CAPS2: variants seen among roughly 807,000 people sequenced by gnomAD.
CAPS2 encodes calcyphosine 2.
In CAPS2, 98 loss-of-function variants were observed where a neutral mutation model predicts 86.5. The observed-to-expected ratio is 1.13, with a 90% CI of 0.96 to 1.34. The LOEUF (loss-of-function observed/expected upper bound fraction) is 1.34. CAPS2 is among the 40% of genes most tolerant of loss of function. The pLI, the probability that CAPS2 is intolerant of heterozygous loss-of-function variation, is 0.00. For synonymous variants in CAPS2, 210 were observed against 225.1 expected (o/e 0.93, Z 0.60); for missense variants, 729 against 686.8 (o/e 1.06, Z -0.69).
intron 1 of CAPS2, among the ~76,000 whole-genome samples, chr12:75,340,963 G>T (rs1208324426): frequency 2.0e-5 from 3 of 151,774 alleles, no homozygotes; most frequent in African/African-American, 7.3e-5. Context: ...AAATTGATCA[G>T]TCTTACTTTT....
At chr12:75,356,454 A>T (rs565826999) in intron 1 of CAPS2, among the ~76,000 whole-genome samples, 1 of 152,312 alleles carries the variant, frequency 6.6e-6, no homozygotes, top group South Asian at 2.1e-4. Context: ...CTTCTAATCC[A>T]TGTGAAGTGC....
At chr12:75,289,757 A>G in exon 14 of CAPS2, 1 of 1,611,876 alleles carries the variant, frequency 6.2e-7, no homozygotes, top group Non-Finnish European at 8.5e-7. Flanking sequence ...TCTTTTATGT[A>G]GTTTTTCTTT....
upstream of CAPS2, among the ~76,000 whole-genome samples, chr12:75,331,027 C>A (rs986974932): frequency 2.6e-5 from 4 of 152,124 alleles, no homozygotes; most frequent in Non-Finnish European, 4.4e-5. Flanking sequence ...TCAGGTGATA[C>A]CCTGCCTCAG....
chr12:75,292,984 T>C (rs1474855264), intron 12 of CAPS2, among the ~76,000 whole-genome samples: 1 of 151,786 alleles, frequency 6.6e-6, no homozygotes, highest in African/African-American at 2.4e-5. Flanking sequence ...AAAATAAAAG[T>C]GTTATAGCAA....
At chr12:75,290,102 G>A (rs1176063709) in intron 13 of CAPS2, among the ~76,000 whole-genome samples, 1 of 152,134 alleles carries the variant, frequency 6.6e-6, no homozygotes, top group African/African-American at 2.4e-5. Context: ...ATTTTGTTGT[G>A]TAGACAACCT....
intron 4 of CAPS2, chr12:75,322,918 CATA>C: frequency 1.0e-6 from 1 of 982,654 alleles, no homozygotes; most frequent in South Asian, 1.5e-5. Context: ...ATAGACTGAA[CATA>C]ATAAATATTT....
chr12:75,368,469 A>C (rs544099443), intron 1 of CAPS2, among the ~76,000 whole-genome samples: 1 of 151,762 alleles, frequency 6.6e-6, no homozygotes, highest in South Asian at 2.1e-4. Context: ...ACACTGTAAA[A>C]TTTCGAAAGG....
intron 11 of CAPS2, among the ~76,000 whole-genome samples, chr12:75,296,663 C>G (rs1565817886): frequency 6.6e-6 from 1 of 151,948 alleles, no homozygotes; most frequent in African/African-American, 2.4e-5. Context: ...AAACTGGCAC[C>G]AAAATTTCTT....
chr12:75,303,280 T>A (rs2038042441), intron 8 of CAPS2, among the ~76,000 whole-genome samples: 1 of 152,228 alleles, frequency 6.6e-6, no homozygotes, highest in Non-Finnish European at 1.5e-5. Context: ...AATATCATGT[T>A]GTACATCTTA....
intron 1 of CAPS2, chr12:75,370,097 T>C (rs1425456970): frequency 6.2e-7 from 1 of 1,603,750 alleles, no homozygotes; most frequent in Non-Finnish European, 8.5e-7. Context: ...AATCCATTTC[T>C]GAAGCCAACG....
At position 75,363,051 on chromosome 12, in the gene CAPS2, A is replaced by G. The variant is rs369558692; in HGVS notation, c.-395+27787T>C. ...CAACTTGCATACATGCATGAACAAAATTGGAGAAATTAACAGCCATTTGGC... is the reference window on the plus strand; with the variant it reads ...CAACTTGCATACATGCATGAACAAAGTTGGAGAAATTAACAGCCATTTGGC... On this transcript the variant is annotated intron_variant, in intron 1 of 5. Coordinates refer to the CAPS2 transcript ENST00000551829. 4.2e-6 allele frequency: 4 copies of G among 948,302 alleles called. No individual in the cohort carries two copies. In the African/African-American group the frequency reaches 5.2e-5, roughly 12 times the overall value. The allele number at this position is 948,302 out of a possible 1,614,324, so 58.7% of individuals were successfully genotyped here.
At chr12:75,310,388 G>A (rs777242215) in intron 7 of CAPS2, among the ~76,000 whole-genome samples, 3 of 152,132 alleles carry the variant, frequency 2.0e-5, no homozygotes, top group Admixed American at 6.5e-5. Flanking sequence ...AAATGAGTAA[G>A]CAGACATATA....
At chr12:75,298,380 T>C (rs2037255026) in intron 11 of CAPS2, 1 of 315,786 alleles carries the variant, frequency 3.2e-6, no homozygotes, top group Non-Finnish European at 5.9e-6. Flanking sequence ...ACTCACCCAA[T>C]GACACAGCTT....
intron 1 of CAPS2, among the ~76,000 whole-genome samples, chr12:75,365,723 A>G (rs1280124444): frequency 6.6e-6 from 1 of 152,112 alleles, no homozygotes; most frequent in Non-Finnish European, 1.5e-5. Context: ...ATTTATAAAA[A>G]CTGTGATAGT....
At chr12:75,305,960 A>T in intron 7 of CAPS2, 1 of 1,242,896 alleles carries the variant, frequency 8.0e-7, no homozygotes, top group Non-Finnish European at 1.2e-6. Flanking sequence ...GAGCATGGAC[A>T]GGGTGGCTCT....
At chr12:75,351,745 C>T (rs1404385092) in intron 1 of CAPS2, among the ~76,000 whole-genome samples, 1 of 152,140 alleles carries the variant, frequency 6.6e-6, no homozygotes, top group East Asian at 1.9e-4. Context: ...CGGGGTTTTG[C>T]CATGTTGGCC....
intron 7 of CAPS2, among the ~76,000 whole-genome samples, chr12:75,309,744 G>A (rs2038941241): frequency 6.6e-6 from 1 of 152,128 alleles, no homozygotes; most frequent in South Asian, 2.1e-4. Flanking sequence ...GCCAAGTTAG[G>A]AACTAAATCT....
chr12:75,278,333 C>T, exon 17 of CAPS2: 1 of 984,074 alleles, frequency 1.0e-6, no homozygotes, highest in Non-Finnish European at 1.2e-6. Flanking sequence ...ATTCTATATA[C>T]AGAAAACATC....
At chr12:75,278,795 C>A in exon 17 of CAPS2, 2 of 1,346,012 alleles carry the variant, frequency 1.5e-6, no homozygotes, top group Non-Finnish European at 1.9e-6. Context: ...AAAGGAAGTC[C>A]TAGGAAAATA....
Sources: allele counts gnomAD v4.1 joint callset (sites outside exome capture counted in the v4.1 genomes callset), GRCh38; gene constraint gnomAD v4.1.1; transcripts MANE v1.5; gene names NCBI Gene and HGNC (gene_info 2026-07-23, HGNC 2026-07-21).